Variants in CARS1 observed in about 807,000 individuals in gnomAD.
CARS1 encodes the protein cysteinyl-tRNA synthetase 1, also known as cysteine--tRNA ligase, cytoplasmic.
In CARS1, 48 loss-of-function variants were observed where a neutral mutation model predicts 106.2. The observed-to-expected ratio is 0.45, with a 90% CI of 0.36 to 0.57. The LOEUF (loss-of-function observed/expected upper bound fraction) is 0.57. CARS1 is among the 20% of genes least tolerant of loss of function. The pLI is 0.00. For missense variants in CARS1, 968 were observed against 1,057.2 expected, an observed-to-expected ratio of 0.92 and a Z score of 1.17; for synonymous variants, 409 against 403.4, an observed-to-expected ratio of 1.01 and a Z score of -0.17.
chr11:3,033,049 A>T (rs191097629), intron 7 of CARS1, among the ~76,000 whole-genome samples: 1 of 72,382 alleles, frequency 1.4e-5, no homozygotes, highest in Non-Finnish European at 4.1e-5. Flanking sequence ...TCTAAAAAAA[A>T]ACTTTTTTTT....
intron 9 of CARS1, 182 bp from the exon 10 acceptor site, chr11:3,026,979 C>T (rs1852149858): frequency 7.6e-6 from 5 of 654,344 alleles, no homozygotes; most frequent in Non-Finnish European, 1.2e-5. Flanking sequence ...CAGGGCCCAT[C>T]CCGCTGCGGA....
rs1195274992 is a variant in CARS1 at position 3,029,374 on chromosome 11, C to A, written c.871G>T (p.Asp291Tyr). 2 of 1,614,084 alleles carry A rather than the reference C, an allele frequency of 1.2e-6. No individual in the cohort carries two copies. The highest frequency in any genetic ancestry group is 3.3e-5 in the Admixed American group (2 of 60,034). The change falls in exon 8 of 23, where the codon GAC (aspartate) becomes TAC (tyrosine). Residue 291 changes from aspartate (D) to tyrosine (Y), a missense_variant. Transcript: ENST00000380525. This position sits in a 1 kb window ranked among gnomAD's most constrained non-coding sequence, Gnocchi z 5.9. ...GGCAGCTTGGAGAAGATGGAATTGT[C>A]AGTGACATCACAGCCAAGTGTAGAA... is the stretch of plus-strand genomic sequence containing the variant. ...LDSTLGCDVT[D>Y]NSIFSKLPKF...
Position 3,029,356 on chromosome 11 carries a change from T to A in CARS1, c.889A>T (p.Lys297Ter). The A allele has an allele frequency of 6.2e-7, 1 of 1,614,018 alleles. No individual in the cohort carries two copies. The change falls in exon 8 of 23, where the codon AAG becomes TAG. Residue 297 changes from lysine (K) to a stop codon, truncating the protein, a stop_gained. Coordinates refer to ENST00000380525, the MANE Select transcript of CARS1 (RefSeq NM_001014437.3). LOFTEE classifies it high-confidence loss of function. The surrounding 1 kb of genome is among the most constrained non-coding windows in gnomAD (Gnocchi z 5.9). ...TCCCCCTCCCAGAACTTGGGCAGCT[T>A]GGAGAAGATGGAATTGTCAGTGACA... Reference protein sequence around the residue: ...CDVTDNSIFSKLPKFWEGDFH... With the variant: ...CDVTDNSIFS
In CARS1 at chr11:3,041,889, G is replaced by A. The variant is rs902851259; in HGVS notation, c.366+276C>T. On this transcript the variant is annotated intron_variant, in intron 3 of 22. Transcript: ENST00000380525. This position sits in a 1 kb window ranked among gnomAD's most constrained non-coding sequence, Gnocchi z 4.9. ...AAGTACTCATGGTTGGGCAGAGTCC[G>A]AGAGACAAGCCAGGGTGATCCATGC... Among the ~76,000 whole-genome samples the A allele has an allele frequency of 5.3e-5, 8 of 152,272 alleles. No homozygotes were observed. Among genetic ancestry groups the A allele is most frequent in the South Asian group, 2.1e-4 (1 of 4,820 alleles).
At position 3,017,826 on chromosome 11, in the gene CARS1, C is replaced by A; in HGVS notation, c.1727+31G>T. ...GCTAGGCATAGAACATGGGCATGCT[C>A]AAAAACCCCAAAGAAATGGCACCAC... On this transcript the variant is annotated intron_variant, in intron 15 of 22. Coordinates refer to ENST00000380525, the MANE Select transcript of CARS1 (RefSeq NM_001014437.3). This position sits in a 1 kb window ranked among gnomAD's most constrained non-coding sequence, Gnocchi z 4.9. 6.6e-7 allele frequency: 1 copy of A among 1,509,350 alleles called. No individual in the cohort carries two copies. The allele number at this position is 1,509,350 out of a possible 1,614,324, so 93.5% of individuals were successfully genotyped here.
At chr11:3,033,113 G>C (rs1445715395) in intron 7 of CARS1, among the ~76,000 whole-genome samples, 2 of 152,014 alleles carry the variant, frequency 1.3e-5, no homozygotes, top group East Asian at 3.9e-4. Context: ...ATCAGAGGGG[G>C]AGTTTTGTTT....
chr11:3,012,157 G>C (rs1411477887), intron 18 of CARS1, 38 bp downstream of exon 18: 1 of 1,555,490 alleles, frequency 6.4e-7, no homozygotes, highest in Admixed American at 1.7e-5. Context: ...CCAGTGAGGG[G>C]AGTGGCTCCC....
At position 3,029,614 on chromosome 11, in the gene CARS1, G is replaced by C. The variant is rs1852503089; in HGVS notation, c.802-171C>G. 3.1e-6 allele frequency: 2 copies of C among 645,116 alleles called. No homozygotes were observed. The highest frequency in any genetic ancestry group is 4.1e-5 in the South Asian group (2 of 48,520). 40.0% of individuals were successfully genotyped at this position (645,116 alleles called of 1,614,324 possible). ...TGATGCTTACACAACTGGCTCGGCA[G>C]GGACAAATACAAGACTCTACAAATG... On this transcript the variant is annotated intron_variant, in intron 7 of 22. Transcript: ENST00000380525. This position sits in a 1 kb window ranked among gnomAD's most constrained non-coding sequence, Gnocchi z 5.9.
At chr11:3,011,313 G>A (rs1565026160) in intron 18 of CARS1, among the ~76,000 whole-genome samples, 1 of 152,166 alleles carries the variant, frequency 6.6e-6, no homozygotes, top group East Asian at 1.9e-4. Context: ...AATTTCAAAA[G>A]ATGAAGGAAT....
chr11:3,040,869 T>C lies in CARS1; in HGVS notation c.455+27A>G. On this transcript the variant is annotated intron_variant, in intron 4 of 22. Transcript: ENST00000380525. This position sits in a 1 kb window ranked among gnomAD's most constrained non-coding sequence, Gnocchi z 5.8. ...GACTTCTGCGTGCAACTGCAGAAGC[T>C]GCAGGGACACCCCGCGGTGGACCTA... The C allele has an allele frequency of 6.2e-7, 1 of 1,609,212 alleles. No individual in the cohort carries two copies. Among genetic ancestry groups the C allele is most frequent in the Non-Finnish European group, 8.5e-7 (1 of 1,177,096 alleles).
At chr11:3,033,281 C>G (rs1296169420) in intron 7 of CARS1, among the ~76,000 whole-genome samples, 1 of 152,082 alleles carries the variant, frequency 6.6e-6, no homozygotes, top group Non-Finnish European at 1.5e-5. Flanking sequence ...GGAATCTTCT[C>G]AAGCACAAGA....
At chr11:3,024,190 A>C (rs149360132) in intron 10 of CARS1, among the ~76,000 whole-genome samples, 2,209 of 152,116 alleles carry the variant, frequency 0.015, 49 homozygotes, top group African/African-American at 0.051. Flanking sequence ...TGCACCCGGC[A>C]CCTCACTTAT....
At chr11:3,035,258 G>T (rs921963747) in intron 7 of CARS1, among the ~76,000 whole-genome samples, 1 of 152,112 alleles carries the variant, frequency 6.6e-6, no homozygotes, top group Non-Finnish European at 1.5e-5. Context: ...ATAACCTCAT[G>T]GGAAAGGGGG....
intron 18 of CARS1, among the ~76,000 whole-genome samples, chr11:3,010,198 G>A (rs935531975): frequency 4.6e-5 from 7 of 152,370 alleles, no homozygotes; most frequent in East Asian, 3.9e-4. Flanking sequence ...GCCACCGAGC[G>A]GGAGCTTGTG....
rs554966704 is a variant in CARS1, at chr11:3,028,372, C to T, written c.1031+624G>A. The T allele has an allele frequency of 1.9e-4, 77 of 415,544 alleles. 1 individual carries two copies. Among genetic ancestry groups the T allele is most frequent in the South Asian group, 1.7e-3 (62 of 36,234 alleles). The allele number at this position is 415,544 out of a possible 1,614,324, so 25.7% of individuals were successfully genotyped here. ...GCTGTCTTCTCTTTTATCTCTTTGT[C>T]TTGTGTCTTTATTTCTACAATCTCT... On this transcript the variant is annotated intron_variant, in intron 9 of 22. Coordinates refer to ENST00000380525, the MANE Select transcript of CARS1 (RefSeq NM_001014437.3). The surrounding 1 kb of genome is among the most constrained non-coding windows in gnomAD (Gnocchi z 4.4).
chr11:3,034,213 TTTTTG>T lies in CARS1; in HGVS notation c.801+3832_801+3836del, dbSNP rs903058649. ...GTTTGTTCTTTTTTTTGTTTTCTGT[TTTTTG>T]TTTTGTTTTGTTTTGTTTTTTTGAG... On this transcript the variant is annotated intron_variant, in intron 7 of 22. Coordinates refer to ENST00000380525, the MANE Select transcript of CARS1 (RefSeq NM_001014437.3). The surrounding 1 kb of genome is among the most constrained non-coding windows in gnomAD (Gnocchi z 6.3). 2.1e-5 allele frequency among the ~76,000 whole-genome samples: 3 copies of T among 142,952 alleles called. No individual in the cohort carries two copies. Among genetic ancestry groups the T allele is most frequent in the African/African-American group, 7.3e-5 (3 of 41,126 alleles). The allele number at this position is 142,952 out of a possible 152,430, so 93.8% of individuals were successfully genotyped here.
Position 3,038,403 on chromosome 11 carries a change from G to A in CARS1, c.652-204C>T, listed in dbSNP as rs187124186. 3.9e-4 allele frequency among the ~76,000 whole-genome samples: 59 copies of A among 152,240 alleles called. No homozygotes were observed. Among genetic ancestry groups the A allele is most frequent in the African/African-American group, 1.2e-3 (48 of 41,532 alleles). ...GGAGCTCCTGGTTCTGCCCTCTCAC[G>A]TGTGACCCTGGACAGGGCACCTAAC... On this transcript the variant is annotated intron_variant, in intron 6 of 22. Coordinates refer to ENST00000380525, the MANE Select transcript of CARS1 (RefSeq NM_001014437.3). This position sits in a 1 kb window ranked among gnomAD's most constrained non-coding sequence, Gnocchi z 4.0.
chr11:3,050,210 C>T lies in CARS1; in HGVS notation c.26-2209G>A, dbSNP rs754471672. Among the ~76,000 whole-genome samples, 1 of 152,166 alleles carries T rather than the reference C, an allele frequency of 6.6e-6. No homozygotes were observed. The highest frequency in any genetic ancestry group is 1.5e-5 in the Non-Finnish European group (1 of 68,030). ...AACATGGATGCAGGGCTTAAAATGG[C>T]TTCCTGGGATGACTCTCGCTGGTGG... On this transcript the variant is annotated intron_variant, in intron 1 of 22. Transcript: ENST00000380525. This position sits in a 1 kb window ranked among gnomAD's most constrained non-coding sequence, Gnocchi z 6.3.
Position 3,040,695 on chromosome 11 carries a change from G to T in CARS1, c.455+201C>A. 1 of 695,394 alleles carries T rather than the reference G, an allele frequency of 1.4e-6. No individual in the cohort carries two copies. The highest frequency in any genetic ancestry group is 2.6e-6 in the Non-Finnish European group (1 of 386,692). 43.1% of individuals were successfully genotyped at this position (695,394 alleles called of 1,614,324 possible). Reference sequence around the variant, plus strand: ...CTTTTTGGTGATCTGTAGTCTTTCTGCAGTGAATATAGATTACTTATGGCA... The same window carrying T: ...CTTTTTGGTGATCTGTAGTCTTTCTTCAGTGAATATAGATTACTTATGGCA... On this transcript the variant is annotated intron_variant, in intron 4 of 22. Coordinates refer to ENST00000380525, the MANE Select transcript of CARS1 (RefSeq NM_001014437.3). The surrounding 1 kb of genome is among the most constrained non-coding windows in gnomAD (Gnocchi z 5.8).
Sources: allele counts gnomAD v4.1 joint callset (sites outside exome capture counted in the v4.1 genomes callset), GRCh38; gene constraint gnomAD v4.1.1; non-coding constraint Gnocchi (gnomAD v3.1); transcripts MANE v1.5; gene names NCBI Gene and HGNC (gene_info 2026-07-23, HGNC 2026-07-21).